CDH13: variants seen among roughly 807,000 people sequenced by gnomAD.
CDH13 encodes cadherin 13, also known as cadherin-13.
Under a neutral mutation model 63.8 loss-of-function variants are expected in CDH13, and 24 were observed. That is an observed-to-expected ratio of 0.38 (90% CI 0.27 to 0.53). The LOEUF (loss-of-function observed/expected upper bound fraction) is 0.53. Among genes scored for constraint, CDH13 ranks in the 20% least tolerant of loss-of-function variants. The pLI, the probability that CDH13 is intolerant of heterozygous loss-of-function variation, is 0.85. For missense variants in CDH13, 1,049 were observed against 903.1 expected, an observed-to-expected ratio of 1.16 and a Z score of -2.07; for synonymous variants, 503 against 355.3, an observed-to-expected ratio of 1.42 and a Z score of -4.67.
At chr16:82,693,586 C>G (rs1423597213) in intron 1 of CDH13, among the ~76,000 whole-genome samples, 2 of 152,222 alleles carry the variant, frequency 1.3e-5, no homozygotes, top group African/African-American at 4.8e-5. Flanking sequence ...ATAAGAACCT[C>G]CAAGTAGACA....
chr16:83,162,662 C>G (rs554975860), intron 4 of CDH13, among the ~76,000 whole-genome samples: 32 of 152,114 alleles, frequency 2.1e-4, no homozygotes, highest in African/African-American at 7.2e-4. Context: ...ACTGAATGAG[C>G]TTGTCAAAAT....
chr16:83,572,743 A>T (rs1219932980), intron 7 of CDH13, among the ~76,000 whole-genome samples: 1 of 152,242 alleles, frequency 6.6e-6, no homozygotes, highest in East Asian at 1.9e-4. Flanking sequence ...AAGAATTCGG[A>T]ACAGACCCAA....
chr16:82,843,644 A>G (rs1411212110), intron 1 of CDH13, among the ~76,000 whole-genome samples: 1 of 152,256 alleles, frequency 6.6e-6, no homozygotes, highest in Non-Finnish European at 1.5e-5. Flanking sequence ...AAAGTAAATT[A>G]CAAAAAGGAC....
chr16:83,690,302 G>C (rs1421035684), intron 10 of CDH13, among the ~76,000 whole-genome samples: 1 of 152,210 alleles, frequency 6.6e-6, no homozygotes, highest in East Asian at 1.9e-4. Context: ...AAAGGAAGCA[G>C]AGAAGGAAGG....
chr16:83,665,998 T>A (rs9933938), intron 8 of CDH13, among the ~76,000 whole-genome samples: 14,749 of 152,268 alleles, frequency 0.097, 809 homozygotes, highest in East Asian at 0.13. Flanking sequence ...GAAGAGATCA[T>A]AAGCCCAGTA....
At chr16:82,770,677 G>A (rs1332487888) in intron 1 of CDH13, among the ~76,000 whole-genome samples, 1 of 152,102 alleles carries the variant, frequency 6.6e-6, no homozygotes, top group Non-Finnish European at 1.5e-5. Context: ...ACATATTTTA[G>A]TTCAGTATTA....
intron 1 of CDH13, among the ~76,000 whole-genome samples, chr16:82,641,922 G>A (rs921710249): frequency 2.0e-5 from 3 of 152,114 alleles, no homozygotes; most frequent in African/African-American, 7.2e-5. Flanking sequence ...GAAAGCAGGC[G>A]AGGGGGTAGA....
chr16:82,838,112 C>T (rs1239175714), intron 1 of CDH13, among the ~76,000 whole-genome samples: 2 of 152,202 alleles, frequency 1.3e-5, no homozygotes, highest in East Asian at 3.9e-4. Flanking sequence ...CTAGCAGCTG[C>T]CTCTGTTTTG....
chr16:83,485,474 A>G (rs2073864994), intron 6 of CDH13, among the ~76,000 whole-genome samples: 1 of 152,158 alleles, frequency 6.6e-6, no homozygotes, highest in South Asian at 2.1e-4. Context: ...GAGTGAACCC[A>G]ACCATGTTAC....
intron 10 of CDH13, among the ~76,000 whole-genome samples, chr16:83,720,338 T>TGCACTCACACATGC (rs1329497712): frequency 2.6e-5 from 4 of 152,174 alleles, no homozygotes; most frequent in Admixed American, 2.6e-4. Context: ...TTCACACATG[T>TGCACTCACACATGC]GCACTCACAC....
rs768787307 is a variant in CDH13 at position 82,644,625 on chromosome 16, C to G, written c.45+17488C>G. Among the ~76,000 whole-genome samples the G allele has an allele frequency of 2.0e-5, 3 of 152,122 alleles. No homozygotes were observed. The highest frequency in any genetic ancestry group is 2.9e-5 in the Non-Finnish European group (2 of 68,028). On this transcript the variant is annotated intron_variant, in intron 1 of 13. Coordinates refer to ENST00000567109, the MANE Select transcript of CDH13 (RefSeq NM_001257.5). The surrounding 1 kb of genome is among the most constrained non-coding windows in gnomAD (Gnocchi z 5.7). ...GGGCTGTACGTGTCTTCATAGGTCT[C>G]CAGTCTGTAAAAGCAACCACGCTTT...
rs185349889 is a variant in CDH13, at chr16:83,479,883, C to T, written c.782-6594C>T. Among the ~76,000 whole-genome samples the T allele has an allele frequency of 8.1e-4, 123 of 152,194 alleles. 1 individual carries two copies. Among genetic ancestry groups the T allele is most frequent in the Non-Finnish European group, 1.8e-4 (12 of 68,016 alleles). On this transcript the variant is annotated intron_variant, in intron 6 of 13. Transcript: ENST00000567109. ...GATACACGGTATTCTATAGAATTAA[C>T]GTTTTGTGATGGAGTGAGAGGGTGT...
intron 5 of CDH13, among the ~76,000 whole-genome samples, chr16:83,252,063 AATATAT>A (rs1398529373): frequency 1.4e-5 from 2 of 144,168 alleles, no homozygotes; most frequent in Non-Finnish European, 3.0e-5. Context: ...TTTTTAAATA[AATATAT>A]ATATATAGTA....
intron 6 of CDH13, among the ~76,000 whole-genome samples, chr16:83,472,353 C>G (rs1212197897): frequency 1.3e-5 from 2 of 152,178 alleles, no homozygotes; most frequent in Admixed American, 6.5e-5. Context: ...CAAATGAAAA[C>G]CAACCCAGAC....
intron 7 of CDH13, among the ~76,000 whole-genome samples, chr16:83,493,775 G>A (rs2074073727): frequency 6.6e-6 from 1 of 152,200 alleles, no homozygotes; most frequent in Non-Finnish European, 1.5e-5. Flanking sequence ...ACACAGCTCT[G>A]TTCAACACAG....
chr16:82,853,053 A>G (rs1437864436), intron 1 of CDH13, among the ~76,000 whole-genome samples: 1 of 152,226 alleles, frequency 6.6e-6, no homozygotes, highest in Admixed American at 6.5e-5. Context: ...AACCTGGTAT[A>G]AAGAGTGTGA....
intron 6 of CDH13, among the ~76,000 whole-genome samples, chr16:83,417,933 C>G (rs771523804): frequency 6.6e-6 from 1 of 152,084 alleles, no homozygotes; most frequent in Admixed American, 6.6e-5. Context: ...CCTCCCCAGC[C>G]TAGCATCCTC....
intron 4 of CDH13, among the ~76,000 whole-genome samples, chr16:83,193,383 G>T (rs1025258264): frequency 2.6e-5 from 4 of 152,262 alleles, no homozygotes; most frequent in Middle Eastern, 3.4e-3. Flanking sequence ...AACTTGAATC[G>T]CAAGCCCTGC....
intron 1 of CDH13, among the ~76,000 whole-genome samples, chr16:82,736,984 A>T (rs773763531): frequency 6.6e-6 from 1 of 152,148 alleles, no homozygotes; most frequent in South Asian, 2.1e-4. Flanking sequence ...GCCTCTCTGC[A>T]TTCCTTTTCC....
Sources: allele counts gnomAD v4.1 joint callset (sites outside exome capture counted in the v4.1 genomes callset), GRCh38; gene constraint gnomAD v4.1.1; non-coding constraint Gnocchi (gnomAD v3.1); transcripts MANE v1.5; gene names NCBI Gene and HGNC (gene_info 2026-07-23, HGNC 2026-07-21).